Variants in CEP120 observed in about 807,000 individuals in gnomAD.
The protein encoded by CEP120 is centrosomal protein 120, also known as centrosomal protein of 120 kDa.
CEP120 carries 113 observed loss-of-function variants against 126.5 expected under a neutral mutation model. The observed-to-expected ratio is 0.89, with a 90% confidence interval of 0.77 to 1.04. The LOEUF (loss-of-function observed/expected upper bound fraction) is 1.04, where lower values mean the gene tolerates loss of function less well. Among genes scored for constraint, CEP120 ranks in the 50% least tolerant of loss-of-function variants. CEP120 has a pLI of 0.00. For missense variants in CEP120, 1,230 were observed against 1,155.7 expected (o/e 1.06, Z -0.93); for synonymous variants, 400 against 394.3 (o/e 1.01, Z -0.17).
chr5:123,368,664 G>A (rs1770639966), intron 17 of CEP120, among the ~76,000 whole-genome samples: 1 of 151,910 alleles, frequency 6.6e-6, no homozygotes, highest in Non-Finnish European at 1.5e-5. Flanking sequence ...TTTAGTTTTG[G>A]ACATTCTGGG....
intron 4 of CEP120, among the ~76,000 whole-genome samples, chr5:123,411,630 G>A (rs1774063817): frequency 6.6e-6 from 1 of 152,150 alleles, no homozygotes; most frequent in South Asian, 2.1e-4. Flanking sequence ...ATGACATTCA[G>A]GAAAAGGCAA....
At chr5:123,399,457 C>T (rs1047299241) in intron 4 of CEP120, among the ~76,000 whole-genome samples, 173 bp from the exon 5 acceptor site, 1 of 152,156 alleles carries the variant, frequency 6.6e-6, no homozygotes, top group Non-Finnish European at 1.5e-5. Context: ...CTTACTTAAC[C>T]AGCATTGTCT....
At chr5:123,382,617 G>T in intron 13 of CEP120, 120 bp downstream of exon 13, 1 of 884,186 alleles carries the variant, frequency 1.1e-6, no homozygotes, top group Non-Finnish European at 1.6e-6. Context: ...AAGCATTGTT[G>T]ACATTCAAAG....
chr5:123,420,045 C>T (rs1247341503), intron 1 of CEP120, among the ~76,000 whole-genome samples: 3 of 152,278 alleles, frequency 2.0e-5, no homozygotes, highest in East Asian at 3.9e-4. Flanking sequence ...TTAAAAAGAC[C>T]TTGACTGCTA....
At chr5:123,366,895 C>T (rs1299046121) in intron 17 of CEP120, among the ~76,000 whole-genome samples, 1 of 151,812 alleles carries the variant, frequency 6.6e-6, no homozygotes, top group African/African-American at 2.4e-5. Flanking sequence ...CTACTCCAAC[C>T]AGGTTTGTGT....
At chr5:123,417,311 C>A (rs1435426561) in intron 2 of CEP120, among the ~76,000 whole-genome samples, 1 of 151,958 alleles carries the variant, frequency 6.6e-6, no homozygotes, top group East Asian at 1.9e-4. Context: ...TTTTAACTTT[C>A]CATTTTGATT....
intron 2 of CEP120, among the ~76,000 whole-genome samples, chr5:123,416,815 A>G (rs1398111229): frequency 1.3e-5 from 2 of 152,138 alleles, no homozygotes; most frequent in Non-Finnish European, 2.9e-5. Context: ...TGTAACATAC[A>G]TAAAATTACA....
chr5:123,386,636 G>A lies in CEP120; in HGVS notation c.1462C>T (p.Pro488Ser). ...YSYPFFGSAAPIMTNPPVEVR... is the reference protein window; with the variant it reads ...YSYPFFGSAASIMTNPPVEVR... The stretch of plus-strand genomic sequence containing the variant: ...TCTACAGGAGGATTAGTCATAATAG[G>A]AGCTGCACTTCCAAAGAATGGATAT... Residue 488 changes from proline to serine, a missense_variant, in exon 10 of 20, where the codon CCT (proline) becomes TCT (serine). By Grantham distance (74) the Pro-to-Ser change is moderately conservative. Coordinates refer to ENST00000306467, the MANE Select transcript of CEP120 (RefSeq NM_001375405.1). 1 of 1,508,250 alleles carries A rather than the reference G, an allele frequency of 6.6e-7. No homozygotes were observed. The highest frequency in any genetic ancestry group is 8.9e-7 in the Non-Finnish European group (1 of 1,118,622). The allele number at this position is 1,508,250 out of a possible 1,614,324, so 93.4% of individuals were successfully genotyped here.
chr5:123,346,775 C>A, intron 19 of CEP120, 22 bp from the exon 20 acceptor site: 1 of 1,518,654 alleles, frequency 6.6e-7, no homozygotes, highest in South Asian at 1.3e-5. Context: ...AGAACAAATG[C>A]CACTGTAGCA....
At chr5:123,399,500 A>G (rs1017981610) in intron 4 of CEP120, among the ~76,000 whole-genome samples, 2 of 152,238 alleles carry the variant, frequency 1.3e-5, no homozygotes, top group African/African-American at 4.8e-5. Context: ...CTGGAGTAAC[A>G]TTTTTAAAAC....
At chr5:123,357,848 A>C (rs2126985768) in intron 18 of CEP120, among the ~76,000 whole-genome samples, 1 of 152,274 alleles carries the variant, frequency 6.6e-6, no homozygotes, top group East Asian at 1.9e-4. Context: ...GGCCAACCAA[A>C]CTGAAAAATT....
Position 123,378,362 on chromosome 5 carries a change from G to A in CEP120, c.2170C>T (p.Gln724Ter), listed in dbSNP as rs1301209506. 6.2e-7 allele frequency: 1 copy of A among 1,607,800 alleles called. No homozygotes were observed. The highest frequency in any genetic ancestry group is 2.2e-5 in the East Asian group (1 of 44,486). ...KTLIDLEKREQQLASVESELQ... is the reference protein window; with the variant it reads ...KTLIDLEKRE ...TCTGATTCCACACTAGCAAGCTGCT[G>A]CTCTCGCTTCTCCAAGTCAATTAGA... The change falls in exon 15 of 20, where the codon CAG (glutamine) becomes TAG (stop). Residue 724 changes from glutamine (Q) to a stop codon, truncating the protein, a stop_gained. Coordinates refer to ENST00000306467, the MANE Select transcript of CEP120 (RefSeq NM_001375405.1). LOFTEE classifies it high-confidence loss of function.
At chr5:123,413,600 C>G (rs75835460) in intron 3 of CEP120, among the ~76,000 whole-genome samples, 1 of 152,070 alleles carries the variant, frequency 6.6e-6, no homozygotes, top group Non-Finnish European at 1.5e-5. Context: ...ATTTTTTACT[C>G]TGATCATTTG....
At chr5:123,418,598 G>GTT in intron 1 of CEP120, 83 bp from the exon 2 acceptor site, 1 of 1,127,484 alleles carries the variant, frequency 8.9e-7, no homozygotes, top group Non-Finnish European at 1.2e-6. Flanking sequence ...TTGTTTGGCT[G>GTT]GTTTTTTTTT....
intron 4 of CEP120, chr5:123,402,045 T>G: frequency 6.3e-7 from 1 of 1,597,388 alleles, no homozygotes; most frequent in Non-Finnish European, 8.6e-7. Context: ...GGCAAACTTG[T>G]TGTTGAGGGT....
At chr5:123,371,658 G>A (rs1770864255) in intron 17 of CEP120, among the ~76,000 whole-genome samples, 1 of 151,982 alleles carries the variant, frequency 6.6e-6, no homozygotes, top group African/African-American at 2.4e-5. Context: ...GCTCTCTGAT[G>A]GGACATGGAA....
rs1052430122 is a variant in CEP120, at chr5:123,423,341, G to A, written c.-343C>T. On this transcript the variant is annotated 5_prime_UTR_variant, in exon 1 of 20. Coordinates refer to ENST00000306467, the MANE Select transcript of CEP120 (RefSeq NM_001375405.1). ...GGGCGGCCGCAGCGGCCGCCGCCGC[G>A]CCCAGCTTCCGCCTAGCAACCAGGC... 1.4e-5 allele frequency: 5 copies of A among 345,570 alleles called. No individual in the cohort carries two copies. Among genetic ancestry groups the A allele is most frequent in the South Asian group, 1.0e-4 (3 of 28,966 alleles). 21.4% of individuals were successfully genotyped at this position (345,570 alleles called of 1,614,324 possible).
At chr5:123,352,554 T>G (rs553544506) in intron 18 of CEP120, among the ~76,000 whole-genome samples, 5 of 152,072 alleles carry the variant, frequency 3.3e-5, no homozygotes, top group Non-Finnish European at 5.9e-5. Context: ...ACTGATCTAT[T>G]TATCCTTACA....
chr5:123,352,124 CT>C (rs1264692725), intron 18 of CEP120, among the ~76,000 whole-genome samples: 1 of 151,968 alleles, frequency 6.6e-6, no homozygotes, highest in African/African-American at 2.4e-5. Context: ...CCTATTTAAG[CT>C]TTTGGTACTT....
Sources: allele counts gnomAD v4.1 joint callset (sites outside exome capture counted in the v4.1 genomes callset), GRCh38; gene constraint gnomAD v4.1.1; transcripts MANE v1.5; gene names NCBI Gene and HGNC (gene_info 2026-07-23, HGNC 2026-07-21).